The following CDH17 variants were observed in gnomAD, a reference collection of about 807,000 sequenced individuals.
CDH17 encodes the protein cadherin 17.
In CDH17, 67 loss-of-function variants were observed where a neutral mutation model predicts 86.3. The observed-to-expected ratio is 0.78, with a 90% CI of 0.64 to 0.95. CDH17 has a LOEUF of 0.95. CDH17 is among the 40% of genes least tolerant of loss of function. CDH17 has a pLI of 0.00. For missense variants in CDH17, 993 were observed against 1,017.6 expected (o/e 0.98, Z 0.33); for synonymous variants, 367 against 366.4 (o/e 1.00, Z -0.02).
At chr8:94,204,377 AT>A (rs1440737751) in intron 1 of CDH17, among the ~76,000 whole-genome samples, 1 of 152,088 alleles carries the variant, frequency 6.6e-6, no homozygotes, top group East Asian at 1.9e-4. Flanking sequence ...ACTCCCCCTT[AT>A]GAGTGAGAAC....
chr8:94,154,718 G>A (rs1175694021), intron 12 of CDH17, among the ~76,000 whole-genome samples: 1 of 152,190 alleles, frequency 6.6e-6, no homozygotes. Context: ...CACATCCTGT[G>A]CAGTCTCATA....
intron 15 of CDH17, 123 bp downstream of exon 15, chr8:94,145,805 A>G: frequency 9.0e-7 from 1 of 1,108,108 alleles, no homozygotes; most frequent in Non-Finnish European, 1.3e-6. Flanking sequence ...CTTCCAAAGC[A>G]TGAACTTCCT....
chr8:94,143,515 G>C (rs919826783), intron 15 of CDH17, among the ~76,000 whole-genome samples: 6 of 152,152 alleles, frequency 3.9e-5, no homozygotes, highest in African/African-American at 1.2e-4. Context: ...TGTCCTTTGA[G>C]GCTTTGAAGC....
At chr8:94,168,107 T>C (rs1470028023) in intron 9 of CDH17, among the ~76,000 whole-genome samples, 1 of 9,636 alleles carries the variant, frequency 1.0e-4, no homozygotes, top group Non-Finnish European at 2.5e-4. Flanking sequence ...AATATATATA[T>C]ATATATATAT....
chr8:94,188,673 G>A (rs1813627521), intron 3 of CDH17, among the ~76,000 whole-genome samples: 2 of 152,288 alleles, frequency 1.3e-5, no homozygotes, highest in African/African-American at 4.8e-5. Context: ...ATCTGATACT[G>A]TTCATGGTTA....
At chr8:94,195,865 A>G (rs1813776235) in intron 1 of CDH17, among the ~76,000 whole-genome samples, 1 of 151,406 alleles carries the variant, frequency 6.6e-6, no homozygotes, top group African/African-American at 2.4e-5. Context: ...GGTTTACACC[A>G]TTCTCCTGCC....
chr8:94,128,964 G>A (rs575767330), intron 17 of CDH17, among the ~76,000 whole-genome samples: 77 of 152,266 alleles, frequency 5.1e-4, no homozygotes, highest in African/African-American at 1.8e-3. Context: ...TACTGTCAGA[G>A]TCCACTATGA....
At chr8:94,200,521 A>G (rs1351356282) in intron 1 of CDH17, among the ~76,000 whole-genome samples, 1 of 86,526 alleles carries the variant, frequency 1.2e-5, no homozygotes, top group African/African-American at 4.1e-5. Context: ...TCAGAGGGTT[A>G]TTATTATTAT....
intron 5 of CDH17, among the ~76,000 whole-genome samples, chr8:94,176,154 C>T (rs928065019): frequency 6.6e-6 from 1 of 152,134 alleles, no homozygotes; most frequent in Non-Finnish European, 1.5e-5. Context: ...ATCCTCCCAC[C>T]TCAGCCTCCC....
chr8:94,213,805 T>C (rs1223470116), intron 1 of CDH17, among the ~76,000 whole-genome samples: 4 of 152,148 alleles, frequency 2.6e-5, no homozygotes, highest in Non-Finnish European at 5.9e-5. Flanking sequence ...TTCAACACCA[T>C]GGCGAGCTCT....
chr8:94,133,330 G>A (rs936953669), intron 15 of CDH17, among the ~76,000 whole-genome samples: 17 of 152,152 alleles, frequency 1.1e-4, no homozygotes, highest in African/African-American at 2.2e-4. Context: ...TGTGTCCTCC[G>A]TTACTTCGTT....
At position 94,130,620 on chromosome 8, in the gene CDH17, A is replaced by T; in HGVS notation, c.2398+6T>A. 2 of 1,576,936 alleles carry T rather than the reference A, an allele frequency of 1.3e-6. No homozygotes were observed. The highest frequency in any genetic ancestry group is 1.7e-6 in the Non-Finnish European group (2 of 1,147,818). On this transcript the variant is annotated splice_donor_region_variant and intron_variant, in intron 17 of 17. Coordinates refer to ENST00000027335, the MANE Select transcript of CDH17 (RefSeq NM_004063.4). The stretch of plus-strand genomic sequence containing the variant: ...AAGACTCTTTGAATTAAGAAATTAC[A>T]CTCACCAATCACCAGAAGGGTGGTC...
chr8:94,165,745 T>TG lies in CDH17; in HGVS notation c.1282+15dup, dbSNP rs765601092. ...AAACAATGATTTGCACTCAAGACGGTGGATATGATACTAACCTTTGTCAGA... is the reference window on the plus strand; with the variant it reads ...AAACAATGATTTGCACTCAAGACGGTGGGATATGATACTAACCTTTGTCAGA... On this transcript the variant is annotated intron_variant, in intron 10 of 17. Transcript: ENST00000027335. 1.3e-6 allele frequency: 2 copies of TG among 1,531,328 alleles called. No individual in the cohort carries two copies. Among genetic ancestry groups the TG allele is most frequent in the South Asian group, 2.2e-5 (2 of 89,482 alleles). The allele number at this position is 1,531,328 out of a possible 1,614,324, so 94.9% of individuals were successfully genotyped here. A position where few individuals can be genotyped will look rare whatever the true frequency, so the allele number is the denominator to read the frequency against.
intron 2 of CDH17, among the ~76,000 whole-genome samples, chr8:94,192,378 T>C (rs1813705187): frequency 1.3e-5 from 2 of 152,172 alleles, no homozygotes; most frequent in Non-Finnish European, 1.5e-5. Flanking sequence ...AGGAAGAGAA[T>C]GGAACTGCCA....
At chr8:94,160,205 T>A in intron 11 of CDH17, 43 bp from the exon 12 acceptor site, 2 of 1,473,556 alleles carry the variant, frequency 1.4e-6, no homozygotes, top group Non-Finnish European at 1.9e-6. Flanking sequence ...AGGTCTGCTG[T>A]CATCAAAGCC....
chr8:94,146,253 G>GAGTT (rs1812741988), intron 14 of CDH17, 86 bp from the exon 15 acceptor site: 1 of 1,273,494 alleles, frequency 7.9e-7, no homozygotes, highest in Non-Finnish European at 1.0e-6. Context: ...AAAATTCAAG[G>GAGTT]AGTTAGGTAC....
At chr8:94,156,284 G>A (rs900357721) in intron 12 of CDH17, among the ~76,000 whole-genome samples, 11 of 152,336 alleles carry the variant, frequency 7.2e-5, no homozygotes, top group African/African-American at 2.6e-4. Flanking sequence ...ATATCAAAGT[G>A]TGCACATTAG....
chr8:94,214,143 A>G (rs530853734), intron 1 of CDH17, among the ~76,000 whole-genome samples: 58 of 152,294 alleles, frequency 3.8e-4, no homozygotes, highest in African/African-American at 1.3e-3. Flanking sequence ...TTAATTCTCC[A>G]AAACATACGC....
intron 1 of CDH17, among the ~76,000 whole-genome samples, chr8:94,206,732 C>A (rs548560875): frequency 2.6e-5 from 4 of 151,210 alleles, no homozygotes; most frequent in Non-Finnish European, 5.9e-5. Flanking sequence ...GCCTCAACCT[C>A]CTGGGCTTAA....
Sources: allele counts gnomAD v4.1 joint callset (sites outside exome capture counted in the v4.1 genomes callset), GRCh38; gene constraint gnomAD v4.1.1; transcripts MANE v1.5; gene names NCBI Gene and HGNC (gene_info 2026-07-23, HGNC 2026-07-21).